Variants in MACROD2 observed in about 807,000 individuals in gnomAD.
The protein encoded by MACROD2 is mono-ADP ribosylhydrolase 2, also known as ADP-ribose glycohydrolase MACROD2.
MACROD2 carries 36 observed loss-of-function variants against 70.4 expected under a neutral mutation model. The ratio of observed to expected loss-of-function variants is 0.51; its 90% CI spans 0.39 to 0.68. The LOEUF is 0.68. MACROD2 is among the 30% of genes least tolerant of loss of function. MACROD2 has a pLI of 0.00. For synonymous variants in MACROD2, 172 were observed against 178.8 expected (o/e 0.96, Z 0.30); for missense variants, 496 against 538.4 (o/e 0.92, Z 0.78).
intron 5 of MACROD2, among the ~76,000 whole-genome samples, chr20:15,196,356 A>C (rs1278006273): frequency 6.6e-6 from 1 of 152,208 alleles, no homozygotes; most frequent in African/African-American, 2.4e-5. Flanking sequence ...TTAATTCATT[A>C]ATTAATAAGG....
chr20:15,959,997 G>T (rs980434024), intron 12 of MACROD2, among the ~76,000 whole-genome samples: 1 of 152,204 alleles, frequency 6.6e-6, no homozygotes, highest in Non-Finnish European at 1.5e-5. Context: ...TGGCAGGAAA[G>T]TCAGAGAATG....
chr20:14,824,315 A>G (rs773502066), intron 5 of MACROD2, among the ~76,000 whole-genome samples: 5 of 152,092 alleles, frequency 3.3e-5, no homozygotes, highest in Non-Finnish European at 4.4e-5. Flanking sequence ...TCAGTAGCAG[A>G]CGGTAAGAAA....
chr20:15,114,275 C>A lies in MACROD2; in HGVS notation c.419-115665C>A, dbSNP rs117264723. 4.0e-3 allele frequency among the ~76,000 whole-genome samples: 609 copies of A among 152,264 alleles called. 13 individuals carry two copies. The East Asian group carries it at 0.058, about 15-fold the overall frequency. On this transcript the variant is annotated intron_variant, in intron 5 of 17. Transcript: ENST00000684519. ...GTAGTCCCCTCCTCTTGAGTTTGGG[C>A]AAAACCCATGACTTGCTGCTAGTTA...
At chr20:14,309,743 A>G (rs934109696) in intron 3 of MACROD2, among the ~76,000 whole-genome samples, 1 of 152,198 alleles carries the variant, frequency 6.6e-6, no homozygotes, top group Non-Finnish European at 1.5e-5. Context: ...CTTAAACAGT[A>G]ATAACTATAC....
chr20:14,317,599 A>G (rs2082624063), intron 3 of MACROD2, among the ~76,000 whole-genome samples: 1 of 142,132 alleles, frequency 7.0e-6, no homozygotes, highest in African/African-American at 2.7e-5. Flanking sequence ...CAGCCTGATG[A>G]TAGAGTGAGA....
chr20:14,179,803 GC>G (rs2081292145), intron 3 of MACROD2, among the ~76,000 whole-genome samples: 1 of 152,104 alleles, frequency 6.6e-6, no homozygotes, highest in Non-Finnish European at 1.5e-5. Flanking sequence ...AGTAGCCCAG[GC>G]CTTGGCTCAA....
At chr20:14,007,058 T>G (rs1259686621) in intron 2 of MACROD2, among the ~76,000 whole-genome samples, 1 of 152,212 alleles carries the variant, frequency 6.6e-6, no homozygotes, top group East Asian at 1.9e-4. Flanking sequence ...TGTAAAGTTC[T>G]CTGACAACCT....
intron 3 of MACROD2, among the ~76,000 whole-genome samples, chr20:14,197,969 A>C (rs1203558502): frequency 6.6e-6 from 1 of 152,224 alleles, no homozygotes; most frequent in Non-Finnish European, 1.5e-5. Context: ...ACATTACAAA[A>C]AAAAGGTAGG....
At chr20:15,529,292 C>CTGTGTG (rs56136161) in intron 8 of MACROD2, among the ~76,000 whole-genome samples, 1 of 149,142 alleles carries the variant, frequency 6.7e-6, no homozygotes, top group African/African-American at 2.5e-5. Flanking sequence ...GTGTGCATGC[C>CTGTGTG]TGTGTGTGTG....
intron 3 of MACROD2, among the ~76,000 whole-genome samples, chr20:14,476,049 A>G (rs1326732162): frequency 6.6e-6 from 1 of 151,576 alleles, no homozygotes; most frequent in Non-Finnish European, 1.5e-5. Flanking sequence ...TGAGATTAAC[A>G]ACTTTAGAAG....
At chr20:14,017,306 C>G (rs2053007278) in intron 2 of MACROD2, among the ~76,000 whole-genome samples, 2 of 151,992 alleles carry the variant, frequency 1.3e-5, no homozygotes, top group African/African-American at 4.8e-5. Context: ...GTTTGAATGT[C>G]TTTTATTTCT....
chr20:15,944,702 T>C (rs1291218292), intron 12 of MACROD2, among the ~76,000 whole-genome samples: 2 of 152,146 alleles, frequency 1.3e-5, no homozygotes, highest in Non-Finnish European at 2.9e-5. Flanking sequence ...ATTTGTGTGT[T>C]TTCTACAATG....
intron 3 of MACROD2, among the ~76,000 whole-genome samples, chr20:14,208,394 C>T (rs558263800): frequency 7.9e-5 from 12 of 152,278 alleles, no homozygotes; most frequent in African/African-American, 2.6e-4. Context: ...GGATAGTGCT[C>T]AGTGCATGGC....
At chr20:15,978,787 C>T (rs1405989376) in intron 13 of MACROD2, among the ~76,000 whole-genome samples, 2 of 152,090 alleles carry the variant, frequency 1.3e-5, no homozygotes, top group Non-Finnish European at 2.9e-5. Context: ...ATCCAAGAGA[C>T]AGATGATATA....
At chr20:15,194,559 C>G (rs2076593231) in intron 5 of MACROD2, among the ~76,000 whole-genome samples, 1 of 151,964 alleles carries the variant, frequency 6.6e-6, no homozygotes, top group South Asian at 2.1e-4. Context: ...TTTAATCATT[C>G]CATAACATCA....
chr20:14,808,473 C>A (rs937259962), intron 5 of MACROD2, among the ~76,000 whole-genome samples: 2 of 151,896 alleles, frequency 1.3e-5, no homozygotes, highest in African/African-American at 4.8e-5. Context: ...CCAGCCACTG[C>A]AAAAACAACC....
intron 12 of MACROD2, among the ~76,000 whole-genome samples, chr20:15,957,935 TAACCC>T (rs1319044041): frequency 6.6e-6 from 1 of 152,222 alleles, no homozygotes; most frequent in East Asian, 1.9e-4. Context: ...ACAGAAGGAC[TAACCC>T]AAAGTTTTTG....
At chr20:14,201,436 T>C (rs1170343863) in intron 3 of MACROD2, among the ~76,000 whole-genome samples, 2 of 152,230 alleles carry the variant, frequency 1.3e-5, no homozygotes, top group Non-Finnish European at 2.9e-5. Flanking sequence ...TCTTTTGCTT[T>C]CATAAAGAAA....
chr20:14,766,307 C>T (rs1432270665), intron 5 of MACROD2, among the ~76,000 whole-genome samples: 1 of 152,062 alleles, frequency 6.6e-6, no homozygotes, highest in African/African-American at 2.4e-5. Context: ...TTTATTTACT[C>T]TGGCATGGTC....
Sources: allele counts gnomAD v4.1 joint callset (sites outside exome capture counted in the v4.1 genomes callset), GRCh38; gene constraint gnomAD v4.1.1; transcripts MANE v1.5; gene names NCBI Gene and HGNC (gene_info 2026-07-23, HGNC 2026-07-21).